The following ANK3 variants were observed in gnomAD, a reference collection of about 807,000 sequenced individuals.
ANK3 encodes ankyrin 3.
ANK3 carries 57 observed loss-of-function variants against 370.9 expected under a neutral mutation model. The ratio of observed to expected loss-of-function variants is 0.15; its 90% confidence interval spans 0.12 to 0.19. The LOEUF (loss-of-function observed/expected upper bound fraction) is 0.19. Among genes scored for constraint, ANK3 ranks in the 10% least tolerant of loss-of-function variants. The probability of loss-of-function intolerance (pLI) is 1.00; values close to 1 mark genes in which losing one functional copy is unlikely to be tolerated. For synonymous variants in ANK3, 1,929 were observed against 1,946.3 expected (o/e 0.99, Z 0.23); for missense variants, 4,439 against 5,302.1 (o/e 0.84, Z 5.06).
At chr10:60,231,384 T>C (rs2097241933) in intron 8 of ANK3, among the ~76,000 whole-genome samples, 1 of 152,146 alleles carries the variant, frequency 6.6e-6, no homozygotes, top group Admixed American at 6.6e-5. Context: ...TGAGGTGAAA[T>C]CCAGTGATGC....
At chr10:60,511,478 G>T (rs183712122) in intron 2 of ANK3, among the ~76,000 whole-genome samples, 2 of 152,214 alleles carry the variant, frequency 1.3e-5, no homozygotes, top group Admixed American at 1.3e-4. Context: ...CCCTAACAAA[G>T]TTCCATCTCT....
At chr10:60,144,210 T>C in intron 23 of ANK3, 1 of 447,858 alleles carries the variant, frequency 2.2e-6, no homozygotes, top group South Asian at 1.6e-5. Context: ...GGCTGTAATT[T>C]TGTAATAGGT....
chr10:60,386,988 C>T (rs1159599450), intron 1 of ANK3, among the ~76,000 whole-genome samples: 1 of 152,028 alleles, frequency 6.6e-6, no homozygotes, highest in African/African-American at 2.4e-5. Flanking sequence ...GGCGAAACCC[C>T]ATCTCTACTA....
intron 42 of ANK3, among the ~76,000 whole-genome samples, chr10:60,053,431 T>C (rs10509120): frequency 0.042 from 6,380 of 152,244 alleles, 325 homozygotes; most frequent in East Asian, 0.15. Context: ...AAAAAAATCA[T>C]GTGAGGCCAA....
chr10:60,327,285 TTGAC>T (rs1396930288), intron 1 of ANK3, among the ~76,000 whole-genome samples: 3 of 152,186 alleles, frequency 2.0e-5, no homozygotes, highest in East Asian at 3.8e-4. Context: ...CTTATGGAGA[TTGAC>T]TGTCCTCTCT....
At chr10:60,462,184 AAAAC>A (rs1478606723) in intron 2 of ANK3, among the ~76,000 whole-genome samples, 5 of 150,382 alleles carry the variant, frequency 3.3e-5, no homozygotes, top group East Asian at 3.9e-4. Flanking sequence ...CAAAGTTAAA[AAAAC>A]AAACAAACAA....
intron 1 of ANK3, among the ~76,000 whole-genome samples, chr10:60,635,875 G>A (rs1447082152): frequency 6.6e-6 from 1 of 152,086 alleles, no homozygotes; most frequent in African/African-American, 2.4e-5. Context: ...ACAAAGGCCA[G>A]GGATGTCCAC....
Position 60,591,941 on chromosome 10 carries a change from G to A in ANK3, c.96+23245C>T, listed in dbSNP as rs1314193520. Among the ~76,000 whole-genome samples, 3 of 152,198 alleles carry A rather than the reference G, an allele frequency of 2.0e-5. No individual in the cohort carries two copies. In the East Asian group the frequency reaches 5.8e-4, roughly 29 times the overall value. ...CCACAGACTTGGAAGGATAATGGAG[G>A]CTTGGGGGAGAGGTGGGAATAGTTA... On this transcript the variant is annotated intron_variant, in intron 2 of 43. Coordinates refer to the ANK3 transcript ENST00000373827.
In ANK3 at chr10:60,071,759, G is replaced by C; in HGVS notation, c.9122C>G (p.Thr3041Ser). The C allele has an allele frequency of 1.3e-6, 2 of 1,597,950 alleles. No individual in the cohort carries two copies. ...AGGAGATTTGGTGGGGGAGGTTTCG[G>C]TTTCCTCGAGAGGTGGGCATAAACC... ...YVGLCPPLEE[T>S]ETSPTKSPDS... is the part of the protein sequence containing the mutation. The change falls in exon 37 of 44, where the codon ACC becomes AGC. Residue 3041 changes from threonine to serine, a missense_variant. Physicochemically the swap from Thr to Ser is moderately conservative, Grantham distance 58. Transcript: ENST00000280772.
intron 1 of ANK3, 147 bp downstream of exon 1, chr10:60,389,278 G>C: frequency 1.4e-6 from 1 of 729,918 alleles, no homozygotes; most frequent in Non-Finnish European, 2.2e-6. Context: ...TTCTGCCATA[G>C]GGTTTATCAT....
At chr10:60,312,350 C>A (rs2046528766) in intron 1 of ANK3, among the ~76,000 whole-genome samples, 2 of 152,210 alleles carry the variant, frequency 1.3e-5, no homozygotes, top group South Asian at 4.1e-4. Context: ...GTGACTGGCA[C>A]AGGGCTTGGC....
At chr10:60,240,306 A>ATATTTTTTTTTTT (rs11282162) in intron 7 of ANK3, among the ~76,000 whole-genome samples, 1 of 119,772 alleles carries the variant, frequency 8.3e-6, no homozygotes, top group Non-Finnish European at 1.7e-5. Context: ...ATATATATAT[A>ATATTTTTTTTTTT]TTTTTTTTTC....
intron 2 of ANK3, among the ~76,000 whole-genome samples, chr10:60,570,732 G>T (rs906140643): frequency 3.9e-5 from 6 of 152,146 alleles, no homozygotes; most frequent in African/African-American, 1.4e-4. Context: ...GCAGTTGGGA[G>T]AGTGTGGAAT....
chr10:60,076,522 A>G (rs2083864164), intron 36 of ANK3, 74 bp from the exon 37 acceptor site: 4 of 1,485,130 alleles, frequency 2.7e-6, no homozygotes, highest in Admixed American at 2.6e-5. Context: ...GAGACCAGAG[A>G]AAAAAATTGG....
intron 7 of ANK3, among the ~76,000 whole-genome samples, chr10:60,260,087 C>T (rs1592636121): frequency 6.6e-6 from 1 of 152,142 alleles, no homozygotes; most frequent in South Asian, 2.1e-4. Context: ...ACAATCTCAG[C>T]CCTTATTAAT....
chr10:60,275,033 A>G (rs978495770), intron 4 of ANK3, among the ~76,000 whole-genome samples: 1 of 152,228 alleles, frequency 6.6e-6, no homozygotes, highest in African/African-American at 2.4e-5. Context: ...GTGAAATGGC[A>G]CATGGATTGG....
At chr10:60,322,089 A>C (rs1205722691) in intron 1 of ANK3, among the ~76,000 whole-genome samples, 1 of 152,148 alleles carries the variant, frequency 6.6e-6, no homozygotes, top group Non-Finnish European at 1.5e-5. Flanking sequence ...TTGTATAAAT[A>C]TTTTTATAAT....
intron 2 of ANK3, among the ~76,000 whole-genome samples, chr10:60,425,420 T>G (rs2132962318): frequency 6.6e-6 from 1 of 152,260 alleles, no homozygotes; most frequent in South Asian, 2.1e-4. Context: ...CCCTTTCCAC[T>G]TCTATTGTCA....
intron 2 of ANK3, among the ~76,000 whole-genome samples, chr10:60,614,404 G>T (rs1364405729): frequency 1.3e-5 from 2 of 152,152 alleles, no homozygotes; most frequent in African/African-American, 2.4e-5. Flanking sequence ...TTATGAGGCA[G>T]ATACTATTAT....
Sources: gnomAD v4.1 joint callset for allele counts (sites outside exome capture counted in the v4.1 genomes callset) on GRCh38, gnomAD v4.1.1 for gene constraint, MANE v1.5 for transcripts, NCBI Gene and HGNC (gene_info 2026-07-23, HGNC 2026-07-21) for gene names.